The following PCDH7 variants were observed in gnomAD, a reference collection of about 807,000 sequenced individuals.
PCDH7 encodes the protein protocadherin 7.
Under a neutral mutation model 58.9 loss-of-function variants are expected in PCDH7, and 17 were observed. The ratio of observed to expected loss-of-function variants is 0.29; its 90% CI spans 0.20 to 0.43. The LOEUF (loss-of-function observed/expected upper bound fraction) is 0.43, where lower values mean the gene tolerates loss of function less well. Among genes scored for constraint, PCDH7 ranks in the 20% least tolerant of loss-of-function variants. The probability of loss-of-function intolerance (pLI) is 1.00; values close to 1 mark genes in which losing one functional copy is unlikely to be tolerated. For missense variants in PCDH7, 1,274 were observed against 1,441.0 expected, an observed-to-expected ratio of 0.88 and a Z score of 1.88; for synonymous variants, 664 against 616.4, an observed-to-expected ratio of 1.08 and a Z score of -1.14.
At chr4:31,018,973 G>A (rs145094224) in intron 3 of PCDH7, among the ~76,000 whole-genome samples, 117 of 152,192 alleles carry the variant, frequency 7.7e-4, no homozygotes, top group African/African-American at 2.6e-3. Context: ...AAGATAAATA[G>A]GCACTTTGAT....
chr4:30,727,115 A>G (rs1714718938), intron 1 of PCDH7, among the ~76,000 whole-genome samples: 1 of 151,920 alleles, frequency 6.6e-6, no homozygotes, highest in Admixed American at 6.6e-5. Flanking sequence ...AGACTGTTGT[A>G]TTCTTTCAAT....
At chr4:30,947,446 A>G (rs1294352433) in intron 2 of PCDH7, among the ~76,000 whole-genome samples, 2 of 152,148 alleles carry the variant, frequency 1.3e-5, no homozygotes, top group Non-Finnish European at 2.9e-5. Context: ...TGTCCATACC[A>G]AATGCCTCAT....
At chr4:30,913,978 C>A (rs931008828) in intron 1 of PCDH7, among the ~76,000 whole-genome samples, 1 of 152,086 alleles carries the variant, frequency 6.6e-6, no homozygotes, top group Non-Finnish European at 1.5e-5. Context: ...TCACTGTAAT[C>A]GCACACCCCT....
At chr4:31,036,346 C>G (rs773481608) in intron 3 of PCDH7, among the ~76,000 whole-genome samples, 1 of 152,040 alleles carries the variant, frequency 6.6e-6, no homozygotes, top group Non-Finnish European at 1.5e-5. Flanking sequence ...CCACCACACC[C>G]GGCTAATTTC....
At chr4:30,982,795 A>G (rs1750679081) in intron 3 of PCDH7, among the ~76,000 whole-genome samples, 1 of 152,096 alleles carries the variant, frequency 6.6e-6, no homozygotes, top group Non-Finnish European at 1.5e-5. Context: ...ACTGTCCCTC[A>G]CATATCCAGA....
At chr4:30,936,104 C>T (rs1431175421) in intron 2 of PCDH7, among the ~76,000 whole-genome samples, 1 of 151,880 alleles carries the variant, frequency 6.6e-6, no homozygotes, top group Non-Finnish European at 1.5e-5. Context: ...AAATAGTATC[C>T]TTATTAAACA....
chr4:30,999,713 C>G (rs571288038), intron 3 of PCDH7, among the ~76,000 whole-genome samples: 46 of 152,200 alleles, frequency 3.0e-4, no homozygotes, highest in Admixed American at 1.2e-3. Context: ...CCAATTAATG[C>G]AGATGATGCT....
chr4:30,814,776 T>A (rs868349883), intron 1 of PCDH7, among the ~76,000 whole-genome samples: 88 of 152,276 alleles, frequency 5.8e-4, no homozygotes, highest in Middle Eastern at 6.8e-3. Flanking sequence ...TTCTTTAGGT[T>A]TTGGAAAAAG....
At chr4:30,912,668 A>G (rs1447981951) in intron 1 of PCDH7, among the ~76,000 whole-genome samples, 1 of 152,336 alleles carries the variant, frequency 6.6e-6, no homozygotes, top group Admixed American at 6.5e-5. Flanking sequence ...TGTAAGACAA[A>G]GAGCAGTATT....
At chr4:30,826,822 A>T (rs1729145391) in intron 1 of PCDH7, among the ~76,000 whole-genome samples, 1 of 151,984 alleles carries the variant, frequency 6.6e-6, no homozygotes, top group Non-Finnish European at 1.5e-5. Context: ...ACAACCGGGG[A>T]TTAAGCAATC....
At chr4:31,054,701 T>C (rs1394053124) in intron 3 of PCDH7, among the ~76,000 whole-genome samples, 1 of 152,156 alleles carries the variant, frequency 6.6e-6, no homozygotes, top group East Asian at 1.9e-4. Context: ...ATTTCTATTC[T>C]TGGTGCCATT....
intron 3 of PCDH7, among the ~76,000 whole-genome samples, chr4:31,097,589 TATATATA>T (rs1714217651): frequency 8.8e-5 from 1 of 11,306 alleles, no homozygotes; most frequent in Non-Finnish European, 1.4e-4. Context: ...CAAATATACA[TATATATA>T]TATATATATA....
At chr4:30,905,980 C>T (rs532904868) in intron 1 of PCDH7, among the ~76,000 whole-genome samples, 4 of 152,180 alleles carry the variant, frequency 2.6e-5, no homozygotes, top group Admixed American at 6.5e-5. Flanking sequence ...TTTAAACAAA[C>T]ATATTCCAAG....
chr4:31,063,809 A>G (rs1171694480), intron 3 of PCDH7, among the ~76,000 whole-genome samples: 1 of 151,950 alleles, frequency 6.6e-6, no homozygotes, highest in Non-Finnish European at 1.5e-5. Flanking sequence ...TCTAGATGTT[A>G]TCTCTTGTAT....
At chr4:30,935,235 C>A (rs937508851) in intron 2 of PCDH7, 5 of 511,236 alleles carry the variant, frequency 9.8e-6, no homozygotes, top group African/African-American at 2.1e-5. Flanking sequence ...AGTTCTACAA[C>A]AATCTTTTTC....
At chr4:30,884,065 T>C (rs1302434727) in intron 1 of PCDH7, among the ~76,000 whole-genome samples, 1 of 152,284 alleles carries the variant, frequency 6.6e-6, no homozygotes, top group East Asian at 1.9e-4. Context: ...TATTTTAATA[T>C]TACATATTAA....
intron 3 of PCDH7, among the ~76,000 whole-genome samples, chr4:31,023,483 AC>A (rs1217783060): frequency 6.6e-6 from 1 of 152,216 alleles, no homozygotes; most frequent in Non-Finnish European, 1.5e-5. Context: ...TATAATTTCA[AC>A]ATTTCTTTTT....
At chr4:30,947,854 C>G (rs1181313720) in intron 2 of PCDH7, among the ~76,000 whole-genome samples, 1 of 152,068 alleles carries the variant, frequency 6.6e-6, no homozygotes, top group East Asian at 1.9e-4. Context: ...TTTCCTATCC[C>G]CTCCTCTGCC....
intron 1 of PCDH7, among the ~76,000 whole-genome samples, chr4:30,879,656 G>T (rs2109369387): frequency 6.6e-6 from 1 of 152,044 alleles, no homozygotes; most frequent in Middle Eastern, 3.4e-3. Context: ...AGCAATTATC[G>T]CCATGATGAT....
Sources: allele counts gnomAD v4.1 joint callset (sites outside exome capture counted in the v4.1 genomes callset), GRCh38; gene constraint gnomAD v4.1.1; transcripts MANE v1.5; gene names NCBI Gene and HGNC (gene_info 2026-07-23, HGNC 2026-07-21).